NCEH1: variants seen among roughly 807,000 people sequenced by gnomAD.
NCEH1 encodes 2-acetyl MAGE hydrolase.
NCEH1 carries 9 observed loss-of-function variants against 25.4 expected under a neutral mutation model. The observed-to-expected ratio is 0.35, with a 90% CI of 0.21 to 0.62. The LOEUF (loss-of-function observed/expected upper bound fraction) is 0.62. Ranked by LOEUF, NCEH1 falls within the 20% of genes least tolerant of loss-of-function variation. The pLI is 0.72. For synonymous variants in NCEH1, 200 were observed against 199.8 expected (o/e 1.00, Z -0.01); for missense variants, 412 against 501.1 (o/e 0.82, Z 1.70).
intron 2 of NCEH1, 111 bp from the exon 3 acceptor site, chr3:172,645,803 AAAT>A (rs1717093092): frequency 5.3e-6 from 3 of 570,620 alleles, no homozygotes; most frequent in Admixed American, 3.1e-5. Context: ...TACTAAAAAC[AAAT>A]AATAAAAAGC....
intron 1 of NCEH1, among the ~76,000 whole-genome samples, chr3:172,668,898 T>C (rs1718354754): frequency 6.6e-6 from 1 of 152,132 alleles, no homozygotes; most frequent in African/African-American, 2.4e-5. Flanking sequence ...AATGTAATGA[T>C]GGAGCTTTAC....
At chr3:172,665,978 C>T (rs1050959757) in intron 1 of NCEH1, among the ~76,000 whole-genome samples, 36 of 152,152 alleles carry the variant, frequency 2.4e-4, no homozygotes, top group African/African-American at 8.0e-4. Context: ...GCTCACACTC[C>T]GTGGCTGCAC....
intron 1 of NCEH1, among the ~76,000 whole-genome samples, chr3:172,650,893 G>A (rs916113540): frequency 8.0e-5 from 12 of 150,448 alleles, no homozygotes; most frequent in Non-Finnish European, 1.5e-4. Flanking sequence ...AGGTAGATGA[G>A]TAGAAAAAGA....
intron 3 of NCEH1, among the ~76,000 whole-genome samples, chr3:172,642,067 G>A (rs965262307): frequency 2.0e-5 from 3 of 152,102 alleles, no homozygotes; most frequent in East Asian, 1.9e-4. Flanking sequence ...CATTTAACAC[G>A]GTAACTAGCA....
At chr3:172,672,715 C>T (rs1711707682) in intron 1 of NCEH1, among the ~76,000 whole-genome samples, 2 of 152,182 alleles carry the variant, frequency 1.3e-5, no homozygotes, top group Non-Finnish European at 2.9e-5. Flanking sequence ...AGAGAGAAAG[C>T]TCAGGGGAAG....
chr3:172,697,528 T>C (rs1576779920), intron 1 of NCEH1, among the ~76,000 whole-genome samples: 1 of 152,116 alleles, frequency 6.6e-6, no homozygotes, highest in African/African-American at 2.4e-5. Context: ...GTTAAACTTA[T>C]TTTGTCTCAA....
intron 1 of NCEH1, among the ~76,000 whole-genome samples, chr3:172,671,568 A>G (rs1174577496): frequency 6.6e-6 from 1 of 151,828 alleles, no homozygotes; most frequent in African/African-American, 2.4e-5. Flanking sequence ...TATGCTACCT[A>G]TATATACACC....
At chr3:172,644,500 A>G (rs1717023731) in intron 3 of NCEH1, among the ~76,000 whole-genome samples, 1 of 152,226 alleles carries the variant, frequency 6.6e-6, no homozygotes, top group Non-Finnish European at 1.5e-5. Flanking sequence ...AGCTCCCTTC[A>G]ATAGTGGCTT....
Position 172,633,940 on chromosome 3 carries a change from G to C in NCEH1, c.762C>G (p.Asp254Glu). 1 of 1,614,168 alleles carries C rather than the reference G, an allele frequency of 6.2e-7. No individual in the cohort carries two copies. Among genetic ancestry groups the C allele is most frequent in the East Asian group, 2.2e-5 (1 of 44,890 alleles). ...PRYVMVKYWV[D>E]YFKGNYDFVQ... ...CAAAGTCATAGTTGCCTTTGAAGTA[G>C]TCCACCCAATACTTCACCATGACAT... Residue 254 changes from aspartate (D) to glutamate (E), a missense_variant, in exon 5 of 5, where the codon GAC (aspartate) becomes GAG (glutamate). Asp to Glu is a conservative substitution (Grantham distance 45, BLOSUM62 2). Transcript: ENST00000475381.
At chr3:172,636,904 C>T (rs1716619949) in intron 3 of NCEH1, among the ~76,000 whole-genome samples, 1 of 152,188 alleles carries the variant, frequency 6.6e-6, no homozygotes, top group African/African-American at 2.4e-5. Flanking sequence ...TCACTCTCTA[C>T]TCCCCTCTTT....
chr3:172,687,513 T>C (rs1394015298), intron 1 of NCEH1, among the ~76,000 whole-genome samples: 1 of 152,224 alleles, frequency 6.6e-6, no homozygotes, highest in Non-Finnish European at 1.5e-5. Context: ...CATGAAACAT[T>C]AAATGAGCTT....
At chr3:172,694,701 G>A (rs1713263516) in intron 1 of NCEH1, among the ~76,000 whole-genome samples, 1 of 152,146 alleles carries the variant, frequency 6.6e-6, no homozygotes. Context: ...GGCTTCTCAG[G>A]ACAGTTCATC....
chr3:172,703,988 T>C (rs188523057), intron 1 of NCEH1, among the ~76,000 whole-genome samples: 4 of 152,384 alleles, frequency 2.6e-5, no homozygotes, highest in Admixed American at 2.0e-4. Flanking sequence ...CTAATGTGCA[T>C]GAAGAAATAC....
chr3:172,653,079 G>A (rs926553435), intron 1 of NCEH1, among the ~76,000 whole-genome samples: 9 of 152,046 alleles, frequency 5.9e-5, no homozygotes, highest in Admixed American at 1.3e-4. Flanking sequence ...AGGGCCTAAT[G>A]GGCTGTAAAT....
intron 1 of NCEH1, among the ~76,000 whole-genome samples, chr3:172,664,212 C>T (rs557979762): frequency 1.3e-5 from 2 of 152,282 alleles, no homozygotes; most frequent in African/African-American, 4.8e-5. Flanking sequence ...TTCTCCTTCA[C>T]TTATGAAGCT....
rs1166541900 is a variant in NCEH1, at chr3:172,683,358, C to T, written c.138+27489G>A. Among the ~76,000 whole-genome samples the T allele has an allele frequency of 3.2e-5, 2 of 61,598 alleles. 1 individual carries two copies. The allele number at this position is 61,598 out of a possible 152,430, so 40.4% of individuals were successfully genotyped here. ...GCGGAGCTTGCAGTGAGCCGAGATC[C>T]CGCCACTGCACTCCAGCCTGGGCGA... is the stretch of plus-strand genomic sequence containing the variant. On this transcript the variant is annotated intron_variant, in intron 1 of 4. Transcript: ENST00000475381.
Position 172,632,899 on chromosome 3 carries a change from G to A in NCEH1, c.*576C>T, listed in dbSNP as rs1245926284. The A allele has an allele frequency of 6.5e-6, 1 of 152,756 alleles. No individual in the cohort carries two copies. Among genetic ancestry groups the A allele is most frequent in the Non-Finnish European group, 1.5e-5 (1 of 68,172 alleles). The allele number at this position is 152,756 out of a possible 1,614,324, so 9.5% of individuals were successfully genotyped here. A position where few individuals can be genotyped will look rare whatever the true frequency, so the allele number is the denominator to read the frequency against. On this transcript the variant is annotated 3_prime_UTR_variant, in exon 5 of 5. Coordinates refer to ENST00000475381, the MANE Select transcript of NCEH1 (RefSeq NM_020792.6). ...GCGATCTCATAAAATGAACATTCTA[G>A]AGGAAGAAAGTCCTTTGAGAAACTT...
chr3:172,702,452 T>C (rs569086464), intron 1 of NCEH1, among the ~76,000 whole-genome samples: 1 of 152,328 alleles, frequency 6.6e-6, no homozygotes, highest in East Asian at 1.9e-4. Context: ...CCTTCCATCA[T>C]TCAAGTGCCC....
At chr3:172,643,025 G>A (rs1045724705) in intron 3 of NCEH1, among the ~76,000 whole-genome samples, 1 of 152,026 alleles carries the variant, frequency 6.6e-6, no homozygotes, top group African/African-American at 2.4e-5. Flanking sequence ...TGCAACCTCC[G>A]CCTCCCGGGT....
Sources: gnomAD v4.1 joint callset for allele counts (sites outside exome capture counted in the v4.1 genomes callset) on GRCh38, gnomAD v4.1.1 for gene constraint, MANE v1.5 for transcripts, NCBI Gene and HGNC (gene_info 2026-07-23, HGNC 2026-07-21) for gene names.